Variants in ZFYVE9 observed in about 807,000 individuals in gnomAD.
The protein encoded by ZFYVE9 is zinc finger FYVE-type containing 9, also known as zinc finger FYVE domain-containing protein 9.
A neutral mutation model predicts 126.7 loss-of-function variants in ZFYVE9; 43 were observed. The ratio of observed to expected loss-of-function variants is 0.34; its 90% CI spans 0.27 to 0.44. The LOEUF (loss-of-function observed/expected upper bound fraction) is 0.44. Ranked by LOEUF, ZFYVE9 falls within the 20% of genes least tolerant of loss-of-function variation. The pLI is 1.00. For missense variants in ZFYVE9, 1,476 were observed against 1,697.0 expected, an observed-to-expected ratio of 0.87 and a Z score of 2.29; for synonymous variants, 521 against 597.4, an observed-to-expected ratio of 0.87 and a Z score of 1.87.
intron 2 of ZFYVE9, among the ~76,000 whole-genome samples, chr1:52,219,599 G>A (rs1234878369): frequency 1.3e-5 from 2 of 151,958 alleles, no homozygotes; most frequent in Non-Finnish European, 2.9e-5. Flanking sequence ...TGGAGTTTGC[G>A]CTAGGAGGCC....
Position 52,172,322 on chromosome 1 carries a change from G to A in ZFYVE9, c.-143+29919G>A, listed in dbSNP as rs967320711. On this transcript the variant is annotated intron_variant, in intron 1 of 18. Transcript: ENST00000287727. ...GATCAGATAGTTGTAGATATGCGGC[G>A]TTATTTCTGAGGGCTCTGTTCTGTT... 4.2e-3 allele frequency among the ~76,000 whole-genome samples: 635 copies of A among 152,140 alleles called. 3 individuals carry two copies. Among genetic ancestry groups the A allele is most frequent in the African/African-American group, 0.014 (592 of 41,506 alleles).
At chr1:52,326,693 C>CAAAA (rs34479038) in intron 13 of ZFYVE9, among the ~76,000 whole-genome samples, 6 of 102,900 alleles carry the variant, frequency 5.8e-5, no homozygotes, top group African/African-American at 8.0e-5. Context: ...TACTCAATAC[C>CAAAA]AAAAAAAAAA....
At chr1:52,341,081 A>C (rs1308940014) in intron 17 of ZFYVE9, among the ~76,000 whole-genome samples, 5 of 152,108 alleles carry the variant, frequency 3.3e-5, no homozygotes, top group African/African-American at 1.2e-4. Flanking sequence ...TTAGCCGGGC[A>C]TGGTGGTGCA....
At chr1:52,290,726 C>T (rs1015942484) in intron 10 of ZFYVE9, among the ~76,000 whole-genome samples, 2 of 152,110 alleles carry the variant, frequency 1.3e-5, no homozygotes, top group Non-Finnish European at 2.9e-5. Context: ...TTAAATCTTA[C>T]TCTAAAATCA....
At chr1:52,227,657 A>G (rs1414985807) in intron 2 of ZFYVE9, among the ~76,000 whole-genome samples, 1 of 152,256 alleles carries the variant, frequency 6.6e-6, no homozygotes, top group African/African-American at 2.4e-5. Context: ...GGGTTAGCAT[A>G]AAGGCAAACC....
At position 52,233,181 on chromosome 1, in the gene ZFYVE9, G is replaced by A. The variant is rs369884308; in HGVS notation, c.-26G>A. 3.1e-5 allele frequency: 46 copies of A among 1,506,976 alleles called. No homozygotes were observed. Among genetic ancestry groups the A allele is most frequent in the Non-Finnish European group, 3.5e-5 (39 of 1,121,580 alleles). 93.4% of individuals were successfully genotyped at this position (1,506,976 alleles called of 1,614,324 possible). On this transcript the variant is annotated 5_prime_UTR_variant, in exon 3 of 19. Coordinates refer to ENST00000287727, the MANE Select transcript of ZFYVE9 (RefSeq NM_004799.4). ...GCATTTACTTTTTAGGTTTAAACAAGTCTCTTAAGTGGTGTTTCCTCACCG... is the reference window on the plus strand; with the variant it reads ...GCATTTACTTTTTAGGTTTAAACAAATCTCTTAAGTGGTGTTTCCTCACCG...
intron 12 of ZFYVE9, among the ~76,000 whole-genome samples, chr1:52,296,264 G>A (rs377227627): frequency 6.6e-6 from 1 of 151,642 alleles, no homozygotes; most frequent in African/African-American, 2.4e-5. Flanking sequence ...TACACTTACC[G>A]TCCAACCTTG....
rs577500886 is a variant in ZFYVE9, at chr1:52,207,809, C to T, written c.-142-8560C>T. ...TTCATGGTTCAAATTGCATCTTTGC[C>T]TTTCTGTTCTAATTCTTTCACACAA... On this transcript the variant is annotated intron_variant, in intron 1 of 18. Transcript: ENST00000287727. Among the ~76,000 whole-genome samples, 13 of 152,280 alleles carry T rather than the reference C, an allele frequency of 8.5e-5. No individual in the cohort carries two copies. The East Asian group carries it at 1.5e-3, about 18-fold the overall frequency.
At chr1:52,164,584 A>G (rs527679795) in intron 1 of ZFYVE9, among the ~76,000 whole-genome samples, 7 of 152,286 alleles carry the variant, frequency 4.6e-5, no homozygotes, top group African/African-American at 1.7e-4. Flanking sequence ...CAATGAATAT[A>G]TATCTTTATA....
chr1:52,263,763 C>CCT lies in ZFYVE9; in HGVS notation c.2179-9_2179-8insTC, dbSNP rs777449186. ...AATTTTGTGTGTTCTTCCCCCCCCCCCCCCCACAGGTTTTCTGTGCTTCCT... is the reference window on the plus strand; with the variant it reads ...AATTTTGTGTGTTCTTCCCCCCCCCCCTCCCCCACAGGTTTTCTGTGCTTCCT... On this transcript the variant is annotated splice_polypyrimidine_tract_variant and intron_variant, in intron 4 of 18. Coordinates refer to ENST00000287727, the MANE Select transcript of ZFYVE9 (RefSeq NM_004799.4). 1.0e-5 allele frequency: 10 copies of CCT among 995,102 alleles called. No individual in the cohort carries two copies. Among genetic ancestry groups the CCT allele is most frequent in the Middle Eastern group, 2.2e-4 (1 of 4,464 alleles). 61.6% of individuals were successfully genotyped at this position (995,102 alleles called of 1,614,324 possible).
At chr1:52,176,144 TTGATGA>T (rs1313703921) in intron 1 of ZFYVE9, among the ~76,000 whole-genome samples, 1 of 152,202 alleles carries the variant, frequency 6.6e-6, no homozygotes, top group Non-Finnish European at 1.5e-5. Flanking sequence ...CTTTTGGTCT[TTGATGA>T]TGGTGATGTA....
chr1:52,227,275 T>C (rs1645179168), intron 2 of ZFYVE9, among the ~76,000 whole-genome samples: 1 of 152,258 alleles, frequency 6.6e-6, no homozygotes, highest in Non-Finnish European at 1.5e-5. Flanking sequence ...GCAAGCTATT[T>C]CTCCTCCTTT....
intron 2 of ZFYVE9, among the ~76,000 whole-genome samples, chr1:52,224,949 T>G (rs973579661): frequency 6.6e-5 from 10 of 152,254 alleles, no homozygotes; most frequent in Admixed American, 5.9e-4. Context: ...CTCGTGAGAA[T>G]TTTAGGTTCC....
At chr1:52,270,419 A>G (rs1645678846) in intron 7 of ZFYVE9, among the ~76,000 whole-genome samples, 1 of 152,010 alleles carries the variant, frequency 6.6e-6, no homozygotes, top group South Asian at 2.1e-4. Flanking sequence ...GCCCGCCACC[A>G]TGCCCAGCTA....
At chr1:52,205,241 A>G (rs1210730441) in intron 1 of ZFYVE9, among the ~76,000 whole-genome samples, 1 of 151,456 alleles carries the variant, frequency 6.6e-6, no homozygotes, top group Non-Finnish European at 1.5e-5. Flanking sequence ...CACCTGGCCT[A>G]TTTTTGTATT....
At chr1:52,263,689 C>T in intron 4 of ZFYVE9, 84 bp from the exon 5 acceptor site, 2 of 624,834 alleles carry the variant, frequency 3.2e-6, no homozygotes, top group Non-Finnish European at 5.4e-6. Context: ...CACTGACAAT[C>T]AGTGTTTGTC....
intron 4 of ZFYVE9, among the ~76,000 whole-genome samples, chr1:52,256,142 T>G (rs1645516993): frequency 6.6e-6 from 1 of 151,722 alleles, no homozygotes; most frequent in Non-Finnish European, 1.5e-5. Flanking sequence ...CTCAGCTCAC[T>G]GCAGTCTCCA....
intron 4 of ZFYVE9, among the ~76,000 whole-genome samples, chr1:52,259,840 C>T (rs1269909247): frequency 2.0e-5 from 3 of 152,056 alleles, no homozygotes; most frequent in South Asian, 2.1e-4. Flanking sequence ...CAATCTCATC[C>T]TCCAACTTGA....
chr1:52,277,087 G>A (rs1645755305), intron 8 of ZFYVE9, among the ~76,000 whole-genome samples: 1 of 152,160 alleles, frequency 6.6e-6, no homozygotes, highest in Non-Finnish European at 1.5e-5. Flanking sequence ...TCTACTGTTA[G>A]TAAAATTGCT....
Sources: allele counts gnomAD v4.1 joint callset (sites outside exome capture counted in the v4.1 genomes callset), GRCh38; gene constraint gnomAD v4.1.1; transcripts MANE v1.5; gene names NCBI Gene and HGNC (gene_info 2026-07-23, HGNC 2026-07-21).